The following PRKN variants were observed in gnomAD, a reference collection of about 807,000 sequenced individuals.
The protein encoded by PRKN is E3 ubiquitin-protein ligase parkin.
PRKN carries 56 observed loss-of-function variants against 59.5 expected under a neutral mutation model. That is an observed-to-expected ratio of 0.94 (90% CI 0.76 to 1.18). The LOEUF (loss-of-function observed/expected upper bound fraction) is 1.18, where lower values mean the gene tolerates loss of function less well. Among genes scored for constraint, PRKN ranks in the 50% most tolerant of loss-of-function variants. PRKN has a pLI of 0.00. For synonymous variants in PRKN, 250 were observed against 222.1 expected, an observed-to-expected ratio of 1.13 and a Z score of -1.12; for missense variants, 657 against 596.4, an observed-to-expected ratio of 1.10 and a Z score of -1.06.
At chr6:161,618,029 C>T (rs6455737) in intron 7 of PRKN, among the ~76,000 whole-genome samples, 105,054 of 152,198 alleles carry the variant, frequency 0.69, 37,814 homozygotes, top group African/African-American at 0.91. Flanking sequence ...GGGTGCTGTA[C>T]CTCTCCACTT....
chr6:161,900,338 G>A (rs1777840961), intron 6 of PRKN, among the ~76,000 whole-genome samples: 1 of 150,316 alleles, frequency 6.7e-6, no homozygotes, highest in African/African-American at 2.4e-5. Context: ...CAGGAAACAA[G>A]ACATGGAGCT....
In PRKN at chr6:162,395,467, T is replaced by C. The variant is rs113165529; in HGVS notation, c.171+47843A>G. The stretch of plus-strand genomic sequence containing the variant: ...AACCACATTGGAAGTGAATCTTCTA[T>C]CATCAGTTAAGTCTTCAGATGAATG... On this transcript the variant is annotated intron_variant, in intron 2 of 11. Transcript: ENST00000366898. Among the ~76,000 whole-genome samples the C allele has an allele frequency of 1.2e-4, 18 of 152,298 alleles. 1 individual carries two copies. The highest frequency in any genetic ancestry group is 3.6e-4 in the African/African-American group (15 of 41,568).
At chr6:161,869,634 T>C (rs1031245600) in intron 6 of PRKN, among the ~76,000 whole-genome samples, 2 of 152,164 alleles carry the variant, frequency 1.3e-5, no homozygotes, top group African/African-American at 4.8e-5. Context: ...GAGAATCACA[T>C]TTCTTCCACT....
chr6:162,692,177 TAA>T (rs11298895), intron 1 of PRKN, among the ~76,000 whole-genome samples: 1,592 of 146,506 alleles, frequency 0.011, 22 homozygotes, highest in African/African-American at 0.034. Flanking sequence ...ATTAGAAAAT[TAA>T]AAAAAAAAAA....
chr6:162,623,824 C>A (rs1782771696), intron 1 of PRKN, among the ~76,000 whole-genome samples: 1 of 152,006 alleles, frequency 6.6e-6, no homozygotes. Flanking sequence ...AACCCACATA[C>A]CTACACATAT....
intron 1 of PRKN, among the ~76,000 whole-genome samples, chr6:162,655,808 C>T (rs1778621590): frequency 6.6e-6 from 1 of 152,058 alleles, no homozygotes; most frequent in Non-Finnish European, 1.5e-5. Context: ...ATATGAGCTG[C>T]AAACCAATAA....
At chr6:161,711,866 A>G (rs1452076286) in intron 7 of PRKN, among the ~76,000 whole-genome samples, 5 of 152,132 alleles carry the variant, frequency 3.3e-5, no homozygotes, top group Non-Finnish European at 4.4e-5. Context: ...CTTGGACTTA[A>G]ACCAGTGGTT....
chr6:161,697,898 G>GT (rs1233772644), intron 7 of PRKN, among the ~76,000 whole-genome samples: 1 of 151,890 alleles, frequency 6.6e-6, no homozygotes, highest in Non-Finnish European at 1.5e-5. Context: ...ATTTTTATTA[G>GT]TTTTCCCTCA....
chr6:162,397,619 T>G (rs1305552395), intron 2 of PRKN, among the ~76,000 whole-genome samples: 1 of 152,170 alleles, frequency 6.6e-6, no homozygotes, highest in East Asian at 1.9e-4. Flanking sequence ...CCATGAGCTC[T>G]TCCAGCAGCG....
intron 6 of PRKN, among the ~76,000 whole-genome samples, chr6:161,946,414 A>ACACACACACTCTCTCTCT (rs1247187053): frequency 1.0e-4 from 12 of 114,448 alleles, no homozygotes; most frequent in South Asian, 3.6e-4. Flanking sequence ...ACACACACAC[A>ACACACACACTCTCTCTCT]CTCTCTCTCT....
intron 2 of PRKN, among the ~76,000 whole-genome samples, chr6:162,273,239 G>A (rs1051787071): frequency 6.6e-6 from 1 of 152,038 alleles, no homozygotes; most frequent in African/African-American, 2.4e-5. Context: ...GAGGGAGTAG[G>A]GAAATGGGTT....
chr6:162,719,919 A>C (rs1056829678), intron 1 of PRKN, among the ~76,000 whole-genome samples: 3 of 140,320 alleles, frequency 2.1e-5, no homozygotes, highest in Non-Finnish European at 3.1e-5. Context: ...AAAAAAAAAA[A>C]CTAAAGGTTG....
chr6:161,511,541 C>T (rs1778392723), intron 9 of PRKN, among the ~76,000 whole-genome samples: 1 of 152,142 alleles, frequency 6.6e-6, no homozygotes, highest in Admixed American at 6.5e-5. Context: ...GACTCCACAG[C>T]CATATCTGAC....
chr6:161,506,473 C>A (rs926531949), intron 9 of PRKN, among the ~76,000 whole-genome samples: 7 of 152,184 alleles, frequency 4.6e-5, no homozygotes, highest in African/African-American at 1.4e-4. Context: ...CATCTGCAAA[C>A]AGTGACAATT....
chr6:162,572,106 C>A (rs1337007562), intron 1 of PRKN, among the ~76,000 whole-genome samples: 1 of 152,122 alleles, frequency 6.6e-6, no homozygotes, highest in East Asian at 1.9e-4. Flanking sequence ...TGAGCTCTGG[C>A]CCTCTATTAC....
chr6:161,411,615 C>A (rs1787543794), intron 9 of PRKN, among the ~76,000 whole-genome samples: 2 of 152,066 alleles, frequency 1.3e-5, no homozygotes, highest in African/African-American at 4.8e-5. Context: ...CTCACTCCTC[C>A]ACTCATTCAT....
At chr6:162,205,391 A>G (rs1784895507) in intron 3 of PRKN, among the ~76,000 whole-genome samples, 1 of 152,160 alleles carries the variant, frequency 6.6e-6, no homozygotes, top group Non-Finnish European at 1.5e-5. Context: ...TTTAGATAAT[A>G]GGCTTAAGGG....
intron 4 of PRKN, among the ~76,000 whole-genome samples, chr6:162,165,591 C>T (rs1413472419): frequency 6.7e-6 from 1 of 149,558 alleles, no homozygotes; most frequent in Non-Finnish European, 1.5e-5. Context: ...GAATGGAATG[C>T]CAGTGCACAG....
At chr6:162,457,715 G>A (rs952511423) in intron 1 of PRKN, among the ~76,000 whole-genome samples, 2 of 152,010 alleles carry the variant, frequency 1.3e-5, no homozygotes, top group African/African-American at 2.4e-5. Context: ...TAATGAGTGT[G>A]TTGTGTTTGT....
Sources: allele counts gnomAD v4.1 joint callset (sites outside exome capture counted in the v4.1 genomes callset), GRCh38; gene constraint gnomAD v4.1.1; transcripts MANE v1.5; gene names NCBI Gene and HGNC (gene_info 2026-07-23, HGNC 2026-07-21).